Variants in FRMD5 observed in about 807,000 individuals in gnomAD.
FRMD5 encodes FERM domain-containing protein 5.
FRMD5 carries 20 observed loss-of-function variants against 69.0 expected under a neutral mutation model. The observed-to-expected ratio is 0.29, with a 90% CI of 0.20 to 0.42. FRMD5 has a LOEUF of 0.42. Ranked by LOEUF, FRMD5 falls within the 10% of genes least tolerant of loss-of-function variation. FRMD5 has a pLI of 1.00. For missense variants in FRMD5, 595 were observed against 708.6 expected (o/e 0.84, Z 1.82); for synonymous variants, 271 against 260.1 (o/e 1.04, Z -0.40).
intron 1 of FRMD5, among the ~76,000 whole-genome samples, chr15:44,093,057 G>A (rs959205935): frequency 5.4e-5 from 8 of 149,038 alleles, no homozygotes; most frequent in Non-Finnish European, 8.9e-5. Flanking sequence ...TCAGCTTCCC[G>A]AGTAGCTAGG....
At chr15:44,021,906 A>T (rs1891224262) in intron 1 of FRMD5, among the ~76,000 whole-genome samples, 1 of 152,260 alleles carries the variant, frequency 6.6e-6, no homozygotes, top group African/African-American at 2.4e-5. Flanking sequence ...ATATCCATCA[A>T]CAAATACACA....
chr15:44,186,062 G>A (rs1257187937), intron 1 of FRMD5, among the ~76,000 whole-genome samples: 1 of 151,978 alleles, frequency 6.6e-6, no homozygotes, highest in African/African-American at 2.4e-5. Context: ...AGAGTAGCTG[G>A]GATTACAGGC....
At chr15:43,923,942 C>A (rs1342312566) in intron 2 of FRMD5, among the ~76,000 whole-genome samples, 4 of 152,224 alleles carry the variant, frequency 2.6e-5, no homozygotes, top group African/African-American at 9.6e-5. Context: ...TCCAGCCCAG[C>A]TGCTCTGCCT....
chr15:44,137,300 G>A (rs1297825653), intron 1 of FRMD5, among the ~76,000 whole-genome samples: 2 of 152,220 alleles, frequency 1.3e-5, no homozygotes, highest in Non-Finnish European at 2.9e-5. Context: ...AGAACATACT[G>A]CCTTAGCTTC....
chr15:44,062,770 G>GTATC (rs1893145398), intron 1 of FRMD5, among the ~76,000 whole-genome samples: 1 of 151,740 alleles, frequency 6.6e-6, no homozygotes, highest in African/African-American at 2.4e-5. Context: ...AGGGATTTTG[G>GTATC]TATCCTCAAT....
chr15:44,013,914 T>C (rs1890840258), intron 1 of FRMD5, among the ~76,000 whole-genome samples: 1 of 146,566 alleles, frequency 6.8e-6, no homozygotes, highest in South Asian at 2.2e-4. Flanking sequence ...TGGAGTGCAG[T>C]GCTGCGATCT....
chr15:43,982,544 T>C (rs1211798185), intron 1 of FRMD5, among the ~76,000 whole-genome samples: 2 of 152,246 alleles, frequency 1.3e-5, no homozygotes, highest in Non-Finnish European at 2.9e-5. Context: ...TATCCTTTCC[T>C]GCCTTAAATC....
At chr15:44,032,910 G>T (rs915873523) in intron 1 of FRMD5, among the ~76,000 whole-genome samples, 2 of 152,050 alleles carry the variant, frequency 1.3e-5, no homozygotes, top group African/African-American at 4.8e-5. Flanking sequence ...CATGCATGTG[G>T]ATGTTTACTG....
intron 2 of FRMD5, among the ~76,000 whole-genome samples, chr15:43,922,859 G>A (rs750643296): frequency 6.6e-6 from 1 of 152,046 alleles, no homozygotes. Flanking sequence ...TAGTGGAGAC[G>A]GGGTTTTGCC....
intron 4 of FRMD5, among the ~76,000 whole-genome samples, chr15:43,918,568 T>C (rs2089437777): frequency 1.3e-5 from 2 of 152,174 alleles, no homozygotes; most frequent in Admixed American, 1.3e-4. Context: ...AATATCCTCA[T>C]TCCCACCTTT....
rs936886564 is a variant in FRMD5 at position 43,873,381 on chromosome 15, A to T, written c.*504T>A. ...AAACTAAACAGTCCCCATTGTCCAG[A>T]TCCCTGGCCTGCCCTGCTGAGGCTG... On this transcript the variant is annotated 3_prime_UTR_variant, in exon 14 of 14. Transcript: ENST00000417257. The T allele has an allele frequency of 6.9e-7, 1 of 1,447,270 alleles. No homozygotes were observed. The highest frequency in any genetic ancestry group is 2.5e-5 in the East Asian group (1 of 40,000). 89.7% of individuals were successfully genotyped at this position (1,447,270 alleles called of 1,614,324 possible).
At chr15:43,893,799 G>C (rs1174548267) in intron 7 of FRMD5, among the ~76,000 whole-genome samples, 1 of 152,134 alleles carries the variant, frequency 6.6e-6, no homozygotes, top group Non-Finnish European at 1.5e-5. Flanking sequence ...AGCCTGATTG[G>C]TCGCAAGAAC....
intron 1 of FRMD5, among the ~76,000 whole-genome samples, chr15:43,999,930 T>TATATATATATATATGCTATGC: frequency 7.7e-6 from 1 of 129,594 alleles, no homozygotes; most frequent in Non-Finnish European, 1.6e-5. Context: ...TATGTATATA[T>TATATATATATATATGCTATGC]ATATATATAT....
chr15:44,195,096 G>A lies in FRMD5; in HGVS notation c.-42C>T. 2.1e-6 allele frequency: 3 copies of A among 1,457,164 alleles called. No homozygotes were observed. Among genetic ancestry groups the A allele is most frequent in the Non-Finnish European group, 1.8e-6 (2 of 1,098,918 alleles). 90.3% of individuals were successfully genotyped at this position (1,457,164 alleles called of 1,614,324 possible). A position where few individuals can be genotyped will look rare whatever the true frequency, so the allele number is the denominator to read the frequency against. ...CCGGGAGCGACGCGGCGGCGCTGCG[G>A]ACCCTGGACCAGGCGTCCCTCAGCC... On this transcript the variant is annotated 5_prime_UTR_variant, in exon 1 of 14. Coordinates refer to ENST00000417257, the MANE Select transcript of FRMD5 (RefSeq NM_032892.5).
At chr15:43,981,175 G>GCC (rs1282497104) in intron 1 of FRMD5, among the ~76,000 whole-genome samples, 2 of 152,068 alleles carry the variant, frequency 1.3e-5, no homozygotes, top group Non-Finnish European at 2.9e-5. Context: ...GGCCAGGCTG[G>GCC]TCTCAACCTC....
chr15:43,928,111 TA>T (rs2089615955), intron 1 of FRMD5, among the ~76,000 whole-genome samples: 1 of 152,178 alleles, frequency 6.6e-6, no homozygotes, highest in Non-Finnish European at 1.5e-5. Context: ...TACAGCTACA[TA>T]AAAAAGACCT....
intron 1 of FRMD5, among the ~76,000 whole-genome samples, chr15:44,069,903 G>A (rs974534626): frequency 6.6e-6 from 1 of 152,098 alleles, no homozygotes; most frequent in Non-Finnish European, 1.5e-5. Context: ...AAATAGCTCA[G>A]GTTAAGGGGG....
chr15:44,038,601 CA>C (rs1438586941), intron 1 of FRMD5, among the ~76,000 whole-genome samples: 3 of 135,390 alleles, frequency 2.2e-5, no homozygotes, highest in Non-Finnish European at 4.6e-5. Flanking sequence ...CTGCAGCTCC[CA>C]GCAAGATCAA....
chr15:44,064,591 A>AAAAAC (rs767341365), intron 1 of FRMD5, among the ~76,000 whole-genome samples: 7 of 152,222 alleles, frequency 4.6e-5, no homozygotes, highest in Non-Finnish European at 7.3e-5. Context: ...TCTGTCTCAA[A>AAAAAC]AAAACAAAAC....
Sources: allele counts gnomAD v4.1 joint callset (sites outside exome capture counted in the v4.1 genomes callset), GRCh38; gene constraint gnomAD v4.1.1; transcripts MANE v1.5; gene names NCBI Gene and HGNC (gene_info 2026-07-23, HGNC 2026-07-21).